The following MMP16 variants were observed in gnomAD, a reference collection of about 807,000 sequenced individuals.
MMP16 encodes the protein matrix metalloproteinase-16.
In MMP16, 12 loss-of-function variants were observed where a neutral mutation model predicts 67.8. That is an observed-to-expected ratio of 0.18 (90% confidence interval 0.11 to 0.29). The LOEUF is 0.29. Ranked by LOEUF, MMP16 falls within the 10% of genes least tolerant of loss-of-function variation. The pLI is 1.00. For missense variants in MMP16, 475 were observed against 765.7 expected (o/e 0.62, Z 4.48); for synonymous variants, 249 against 255.9 (o/e 0.97, Z 0.26).
chr8:88,235,281 A>G (rs555637533), intron 1 of MMP16, among the ~76,000 whole-genome samples: 82 of 151,820 alleles, frequency 5.4e-4, no homozygotes, highest in Middle Eastern at 6.8e-3. Flanking sequence ...AATCTCAGCT[A>G]CTTGGGAGGC....
intron 1 of MMP16, among the ~76,000 whole-genome samples, chr8:88,262,392 T>A (rs750616043): frequency 6.6e-6 from 1 of 152,202 alleles, no homozygotes; most frequent in Non-Finnish European, 1.5e-5. Flanking sequence ...CTACCAAGAA[T>A]ACATTTTATA....
intron 1 of MMP16, among the ~76,000 whole-genome samples, chr8:88,297,884 G>T (rs1361739685): frequency 6.6e-6 from 1 of 152,190 alleles, no homozygotes; most frequent in Non-Finnish European, 1.5e-5. Context: ...CATTTGCAAA[G>T]TGCCGAAAAT....
chr8:88,244,255 T>A (rs1237386230), intron 1 of MMP16, among the ~76,000 whole-genome samples: 1 of 152,140 alleles, frequency 6.6e-6, no homozygotes, highest in East Asian at 1.9e-4. Context: ...TCAAACAACT[T>A]TTATAATTGG....
intron 1 of MMP16, among the ~76,000 whole-genome samples, chr8:88,264,823 C>A (rs545624020): frequency 2.0e-5 from 3 of 152,344 alleles, no homozygotes; most frequent in Admixed American, 6.5e-5. Flanking sequence ...AGAGCTAATA[C>A]AACAATATGG....
In MMP16 at chr8:88,075,471, TTTAA is replaced by T. The variant is rs374934695; in HGVS notation, c.1084-732_1084-729del. Among the ~76,000 whole-genome samples the T allele has an allele frequency of 9.7e-4, 148 of 152,260 alleles. 1 individual carries two copies. The highest frequency in any genetic ancestry group is 3.4e-3 in the African/African-American group (141 of 41,558). On this transcript the variant is annotated intron_variant, in intron 6 of 9. Coordinates refer to ENST00000286614, the MANE Select transcript of MMP16 (RefSeq NM_005941.5). Reference sequence around the variant, plus strand: ...CCCATAGCAGGTTTCTATAAAGTTGTTTAATTAATAATTGGCCTACACACAATAT... The same window carrying T: ...CCCATAGCAGGTTTCTATAAAGTTGTTTAATAATTGGCCTACACACAATAT...
At chr8:88,326,965 A>G in intron 1 of MMP16, 110 bp downstream of exon 1, 2 of 1,429,282 alleles carry the variant, frequency 1.4e-6, no homozygotes, top group Non-Finnish European at 1.9e-6. Context: ...AAGGGAAACA[A>G]CGTGCTGGGA....
At chr8:88,167,417 A>C (rs751868927) in intron 4 of MMP16, among the ~76,000 whole-genome samples, 7 of 152,078 alleles carry the variant, frequency 4.6e-5, no homozygotes, top group Non-Finnish European at 1.0e-4. Flanking sequence ...AGAAGACAAA[A>C]CTTACTTTAG....
At chr8:88,288,497 T>C (rs957956763) in intron 1 of MMP16, among the ~76,000 whole-genome samples, 2 of 152,208 alleles carry the variant, frequency 1.3e-5, no homozygotes, top group Admixed American at 1.3e-4. Context: ...AGTATGCCAC[T>C]GAGGTATATG....
At chr8:88,159,726 T>G (rs200167934) in intron 4 of MMP16, among the ~76,000 whole-genome samples, 1 of 151,984 alleles carries the variant, frequency 6.6e-6, no homozygotes, top group Non-Finnish European at 1.5e-5. Context: ...CAAAGGGAAT[T>G]CTTCTAGTTT....
At chr8:88,292,488 C>CT (rs1327380428) in intron 1 of MMP16, among the ~76,000 whole-genome samples, 1 of 152,140 alleles carries the variant, frequency 6.6e-6, no homozygotes, top group Non-Finnish European at 1.5e-5. Context: ...ATCAAACAGT[C>CT]TTGAAATAAT....
At chr8:88,157,903 T>C (rs903113841) in intron 4 of MMP16, among the ~76,000 whole-genome samples, 1 of 150,158 alleles carries the variant, frequency 6.7e-6, no homozygotes, top group African/African-American at 2.4e-5. Flanking sequence ...TTCCCACCTA[T>C]AAGTGAGAAC....
At chr8:88,272,857 C>T (rs893322592) in intron 1 of MMP16, among the ~76,000 whole-genome samples, 1 of 151,988 alleles carries the variant, frequency 6.6e-6, no homozygotes, top group Admixed American at 6.6e-5. Flanking sequence ...TGAATAGAAG[C>T]TTGGAATATC....
intron 4 of MMP16, among the ~76,000 whole-genome samples, chr8:88,138,087 G>A (rs529775724): frequency 6.6e-6 from 1 of 151,028 alleles, no homozygotes; most frequent in Non-Finnish European, 1.5e-5. Context: ...TGAATCATGT[G>A]TGTATGTGTT....
At chr8:88,080,960 C>G (rs1472979680) in intron 6 of MMP16, among the ~76,000 whole-genome samples, 1 of 152,002 alleles carries the variant, frequency 6.6e-6, no homozygotes, top group Non-Finnish European at 1.5e-5. Context: ...CCGTGGTAGG[C>G]CTGCTTTGGT....
intron 1 of MMP16, among the ~76,000 whole-genome samples, chr8:88,317,691 G>A (rs561253244): frequency 6.6e-6 from 1 of 152,180 alleles, no homozygotes; most frequent in East Asian, 1.9e-4. Flanking sequence ...TTTTACCTTT[G>A]TTAGTTGGTT....
At chr8:88,166,794 G>T (rs1808721858) in intron 4 of MMP16, among the ~76,000 whole-genome samples, 1 of 146,394 alleles carries the variant, frequency 6.8e-6, no homozygotes, top group South Asian at 2.2e-4. Context: ...GGCTGGTATT[G>T]AACTCCTGAG....
At chr8:88,223,270 C>G (rs560310657) in intron 1 of MMP16, among the ~76,000 whole-genome samples, 1 of 151,916 alleles carries the variant, frequency 6.6e-6, no homozygotes, top group Non-Finnish European at 1.5e-5. Context: ...TCAACCATTG[C>G]GGAAGACAGT....
intron 3 of MMP16, among the ~76,000 whole-genome samples, chr8:88,177,657 G>A (rs926521506): frequency 3.3e-5 from 5 of 152,068 alleles, no homozygotes; most frequent in South Asian, 2.1e-4. Context: ...CATAATAAAC[G>A]CCAGTGTTAA....
intron 4 of MMP16, among the ~76,000 whole-genome samples, chr8:88,131,926 T>C (rs1442783339): frequency 1.3e-5 from 2 of 151,908 alleles, no homozygotes; most frequent in African/African-American, 4.8e-5. Context: ...CACATGAGAA[T>C]TGAACTGTTT....
Sources: allele counts gnomAD v4.1 joint callset (sites outside exome capture counted in the v4.1 genomes callset), GRCh38; gene constraint gnomAD v4.1.1; transcripts MANE v1.5; gene names NCBI Gene and HGNC (gene_info 2026-07-23, HGNC 2026-07-21).